Variants in APBB2 observed in about 807,000 individuals in gnomAD.
APBB2 encodes the protein Fe65-like 1.
APBB2 carries 38 observed loss-of-function variants against 82.5 expected under a neutral mutation model. The ratio of observed to expected loss-of-function variants is 0.46; its 90% CI spans 0.36 to 0.60. The LOEUF (loss-of-function observed/expected upper bound fraction) is 0.60. Ranked by LOEUF, APBB2 falls within the 20% of genes least tolerant of loss-of-function variation. The pLI, the probability that APBB2 is intolerant of heterozygous loss-of-function variation, is 0.00. For missense variants in APBB2, 772 were observed against 972.3 expected (o/e 0.79, Z 2.74); for synonymous variants, 341 against 368.2 (o/e 0.93, Z 0.85).
At chr4:40,952,884 T>C (rs1031837876) in intron 6 of APBB2, among the ~76,000 whole-genome samples, 4 of 152,214 alleles carry the variant, frequency 2.6e-5, no homozygotes, top group African/African-American at 9.6e-5. Flanking sequence ...TTGCAGGAGC[T>C]TGTGGTTTGT....
chr4:40,845,712 A>T (rs1757332076), intron 12 of APBB2, among the ~76,000 whole-genome samples: 1 of 151,782 alleles, frequency 6.6e-6, no homozygotes, highest in African/African-American at 2.4e-5. Flanking sequence ...TGCTGCGCAC[A>T]ACTGTCCACT....
chr4:41,084,013 T>C (rs2153938841), intron 3 of APBB2, among the ~76,000 whole-genome samples: 1 of 152,280 alleles, frequency 6.6e-6, no homozygotes, highest in Admixed American at 6.5e-5. Context: ...TGTCTTAGAA[T>C]CAATAAAATA....
chr4:41,052,795 TCTCA>T (rs2153850928), intron 4 of APBB2, among the ~76,000 whole-genome samples: 1 of 150,014 alleles, frequency 6.7e-6, no homozygotes, highest in South Asian at 2.1e-4. Context: ...TTTGAGACAG[TCTCA>T]CTCTGTCACC....
At chr4:41,169,990 A>T (rs1039467389) in intron 1 of APBB2, among the ~76,000 whole-genome samples, 2 of 152,172 alleles carry the variant, frequency 1.3e-5, no homozygotes, top group Non-Finnish European at 2.9e-5. Context: ...GAATGAGGTT[A>T]CTCTAAATTC....
At chr4:40,839,847 T>C (rs933524008) in intron 12 of APBB2, among the ~76,000 whole-genome samples, 1 of 152,154 alleles carries the variant, frequency 6.6e-6, no homozygotes, top group Non-Finnish European at 1.5e-5. Context: ...ATATTTTTAG[T>C]AGAGACGGGG....
At chr4:41,057,942 G>T (rs1728411412) in intron 4 of APBB2, among the ~76,000 whole-genome samples, 2 of 152,128 alleles carry the variant, frequency 1.3e-5, no homozygotes, top group African/African-American at 4.8e-5. Flanking sequence ...CAGGGGCAAA[G>T]CCTGTCCTCT....
At chr4:40,846,263 C>T (rs572030103) in intron 12 of APBB2, among the ~76,000 whole-genome samples, 31 of 148,376 alleles carry the variant, frequency 2.1e-4, no homozygotes, top group African/African-American at 7.3e-4. Context: ...AAGGGGAGCT[C>T]CACGAGGAGA....
chr4:40,837,219 C>T (rs1003482127), intron 12 of APBB2, among the ~76,000 whole-genome samples: 4 of 152,058 alleles, frequency 2.6e-5, no homozygotes, highest in Non-Finnish European at 5.9e-5. Context: ...GGCCATCAGG[C>T]GTCAGGCAGC....
chr4:41,106,007 A>C (rs1225001240), intron 2 of APBB2, among the ~76,000 whole-genome samples: 1 of 152,234 alleles, frequency 6.6e-6, no homozygotes, highest in Non-Finnish European at 1.5e-5. Flanking sequence ...ACATGCTGAG[A>C]TATACATTCA....
intron 10 of APBB2, among the ~76,000 whole-genome samples, chr4:40,910,169 T>C (rs1228576419): frequency 6.6e-6 from 1 of 150,676 alleles, no homozygotes; most frequent in African/African-American, 2.4e-5. Context: ...GGTTTTACCA[T>C]GTTGGCCAGG....
At chr4:41,100,367 C>G (rs1356162721) in intron 3 of APBB2, among the ~76,000 whole-genome samples, 3 of 152,114 alleles carry the variant, frequency 2.0e-5, no homozygotes, top group African/African-American at 7.2e-5. Context: ...TAATCACTTG[C>G]AAATCTGATA....
intron 10 of APBB2, among the ~76,000 whole-genome samples, chr4:40,900,315 T>C (rs1171364359): frequency 6.6e-6 from 1 of 152,184 alleles, no homozygotes; most frequent in Non-Finnish European, 1.5e-5. Flanking sequence ...CTGAGTTACC[T>C]GAGAGTATCT....
intron 6 of APBB2, among the ~76,000 whole-genome samples, chr4:40,973,222 G>A (rs762891436): frequency 2.0e-5 from 3 of 152,186 alleles, no homozygotes; most frequent in Non-Finnish European, 4.4e-5. Flanking sequence ...AAGAGGCTCA[G>A]CAAGTGATCA....
intron 1 of APBB2, among the ~76,000 whole-genome samples, chr4:41,162,195 CGT>C (rs1560921456): frequency 1.4e-5 from 2 of 145,062 alleles, no homozygotes; most frequent in African/African-American, 2.8e-5. Flanking sequence ...CAAATTTCCC[CGT>C]CTTTTTTTTT....
intron 1 of APBB2, among the ~76,000 whole-genome samples, chr4:41,212,702 T>C (rs1779620813): frequency 6.6e-6 from 1 of 152,150 alleles, no homozygotes; most frequent in Non-Finnish European, 1.5e-5. Flanking sequence ...GGTCATACAG[T>C]ACATGGACAA....
intron 1 of APBB2, among the ~76,000 whole-genome samples, chr4:41,188,597 C>T (rs1198990475): frequency 6.6e-6 from 1 of 152,174 alleles, no homozygotes; most frequent in Admixed American, 6.5e-5. Context: ...ACCTTCATCT[C>T]GAACGTTTTC....
At chr4:41,211,637 C>G (rs1779345419) in intron 1 of APBB2, among the ~76,000 whole-genome samples, 1 of 151,952 alleles carries the variant, frequency 6.6e-6, no homozygotes, top group Admixed American at 6.6e-5. Context: ...CGGGAGCCAC[C>G]ACACCCGGCT....
chr4:41,197,605 G>A, intron 1 of APBB2, among the ~76,000 whole-genome samples: 2 of 152,258 alleles, frequency 1.3e-5, no homozygotes, highest in South Asian at 2.1e-4. Flanking sequence ...TGACTGCTGG[G>A]TGTCTGCTGT....
chr4:41,131,529 C>G (rs948489450), intron 2 of APBB2, among the ~76,000 whole-genome samples: 1 of 152,030 alleles, frequency 6.6e-6, no homozygotes, highest in African/African-American at 2.4e-5. Flanking sequence ...ATTAAAATTC[C>G]TGTACTATGG....
Sources: gnomAD v4.1 joint callset for allele counts (sites outside exome capture counted in the v4.1 genomes callset) on GRCh38, gnomAD v4.1.1 for gene constraint, MANE v1.5 for transcripts, NCBI Gene and HGNC (gene_info 2026-07-23, HGNC 2026-07-21) for gene names.